Variants in CARS2 observed in about 807,000 individuals in gnomAD.
The protein encoded by CARS2 is cysteinyl-tRNA synthetase 2, mitochondrial.
Under a neutral mutation model 68.8 loss-of-function variants are expected in CARS2, and 52 were observed. That is an observed-to-expected ratio of 0.76 (90% CI 0.61 to 0.95). The LOEUF is 0.95. Ranked by LOEUF, CARS2 falls within the 40% of genes least tolerant of loss-of-function variation. CARS2 has a pLI of 0.00. For synonymous variants in CARS2, 314 were observed against 303.6 expected (o/e 1.03, Z -0.36); for missense variants, 780 against 754.2 (o/e 1.03, Z -0.40).
chr13:110,641,505 G>T lies in CARS2; in HGVS notation c.*32C>A. ...ACCCTGAGAAGCATGGGTGCGTCTT[G>T]TCGTGAGCAGGTTCATGGCTGTGCT... On this transcript the variant is annotated 3_prime_UTR_variant, in exon 15 of 15. Transcript: ENST00000257347. 6.4e-7 allele frequency: 1 copy of T among 1,564,268 alleles called. No homozygotes were observed. The highest frequency in any genetic ancestry group is 8.8e-7 in the Non-Finnish European group (1 of 1,134,434).
chr13:110,661,470 T>C (rs2062502263), intron 9 of CARS2, among the ~76,000 whole-genome samples: 1 of 152,238 alleles, frequency 6.6e-6, no homozygotes, highest in Non-Finnish European at 1.5e-5. Context: ...TTTGATCTTC[T>C]CTATCCAGAC....
At chr13:110,685,557 T>C (rs1455025267) in intron 5 of CARS2, among the ~76,000 whole-genome samples, 2 of 152,194 alleles carry the variant, frequency 1.3e-5, no homozygotes, top group African/African-American at 2.4e-5. Context: ...TAAGGCGTCA[T>C]TCAGTAAAGC....
upstream of CARS2, chr13:110,706,160 A>C: frequency 8.8e-7 from 1 of 1,142,552 alleles, no homozygotes. Flanking sequence ...CGGTCGCTCA[A>C]GAGCAGCACG....
At chr13:110,709,214 T>TCTC (rs1393229456), upstream of CARS2, among the ~76,000 whole-genome samples, 1 of 149,902 alleles carries the variant, frequency 6.7e-6, no homozygotes, top group African/African-American at 2.5e-5. Context: ...CTCCTGCTTG[T>TCTC]CTCCTGAGTA....
intron 9 of CARS2, among the ~76,000 whole-genome samples, chr13:110,654,936 G>A (rs202134895): frequency 3.2e-3 from 280 of 86,486 alleles, no homozygotes; most frequent in African/African-American, 8.9e-3. Flanking sequence ...AAAAAAAAAA[G>A]AAAAAGAAAA....
At chr13:110,644,776 A>G (rs899671632) in intron 12 of CARS2, 26 of 335,486 alleles carry the variant, frequency 7.7e-5, no homozygotes, top group African/African-American at 5.2e-4. Flanking sequence ...CAGGTGGCGC[A>G]TGGTAGGTGG....
intron 2 of CARS2, among the ~76,000 whole-genome samples, chr13:110,702,719 C>T (rs1004359542): frequency 5.3e-5 from 8 of 152,134 alleles, no homozygotes; most frequent in Admixed American, 1.3e-4. Context: ...GACCCTGAGA[C>T]GCTGCAGGCA....
intron 2 of CARS2, among the ~76,000 whole-genome samples, chr13:110,702,757 C>T (rs1374162714): frequency 2.6e-5 from 4 of 152,294 alleles, no homozygotes; most frequent in South Asian, 4.1e-4. Flanking sequence ...CCACTCTATA[C>T]ACAAACACGC....
At chr13:110,702,092 G>T (rs1407282848) in intron 2 of CARS2, among the ~76,000 whole-genome samples, 1 of 151,982 alleles carries the variant, frequency 6.6e-6, no homozygotes. Context: ...AAACTAAAAG[G>T]GTTTAAAATC....
chr13:110,708,091 TG>T (rs1224077437), upstream of CARS2, among the ~76,000 whole-genome samples: 7 of 152,234 alleles, frequency 4.6e-5, no homozygotes, highest in African/African-American at 1.2e-4. Flanking sequence ...TATCTTAAAT[TG>T]TACATTATTT....
At chr13:110,699,670 A>G (rs2063725402) in intron 3 of CARS2, among the ~76,000 whole-genome samples, 1 of 152,260 alleles carries the variant, frequency 6.6e-6, no homozygotes. Flanking sequence ...GATTAGAGGA[A>G]GCACCCGCAA....
intron 2 of CARS2, among the ~76,000 whole-genome samples, chr13:110,704,263 G>A (rs1418463251): frequency 6.6e-6 from 1 of 152,186 alleles, no homozygotes; most frequent in African/African-American, 2.4e-5. Context: ...TTCAGTAACA[G>A]AACTGTTTTC....
chr13:110,666,084 T>C (rs2062638238), intron 8 of CARS2: 1 of 985,020 alleles, frequency 1.0e-6, no homozygotes, highest in African/African-American at 1.8e-5. Flanking sequence ...AATTCAGAAG[T>C]CCTTGGGCCA....
chr13:110,679,137 G>A (rs947382251), intron 6 of CARS2, among the ~76,000 whole-genome samples: 11 of 142,774 alleles, frequency 7.7e-5, no homozygotes, highest in Non-Finnish European at 1.6e-4. Flanking sequence ...CTCAGTCTAT[G>A]GGAGAGGCCA....
At chr13:110,688,552 T>C (rs969543770) in intron 3 of CARS2, among the ~76,000 whole-genome samples, 2 of 152,132 alleles carry the variant, frequency 1.3e-5, no homozygotes. Flanking sequence ...GTCTGTATGA[T>C]AAGAAACTAG....
Position 110,676,997 on chromosome 13 carries a change from G to A in CARS2, c.762C>T (p.His254=), listed in dbSNP as rs369056410. The change falls in exon 7 of 15, where the codon CAC becomes CAT. Residue 254 remains histidine (H), a synonymous_variant. Transcript: ENST00000257347. This position sits in a 1 kb window ranked among gnomAD's most constrained non-coding sequence, Gnocchi z 4.0. ...SPWGPGRPGW[H]IECSAIASMV... Reference sequence around the variant, plus strand: ...ACCTAGCGATGGCAGAGCACTCGATGTGCCAGCCCGGCCTCCCGGGTCCCC... The same window carrying A: ...ACCTAGCGATGGCAGAGCACTCGATATGCCAGCCCGGCCTCCCGGGTCCCC... The A allele has an allele frequency of 1.9e-6, 3 of 1,595,718 alleles. No homozygotes were observed. The highest frequency in any genetic ancestry group is 2.7e-5 in the African/African-American group (2 of 74,444).
At chr13:110,706,822 C>A (rs1261625180), upstream of CARS2, among the ~76,000 whole-genome samples, 1 of 141,238 alleles carries the variant, frequency 7.1e-6, no homozygotes, top group Admixed American at 7.0e-5. Flanking sequence ...TGCACCCCAG[C>A]ACACACATCT....
At chr13:110,690,703 CAG>C (rs1486590669) in intron 3 of CARS2, among the ~76,000 whole-genome samples, 2 of 152,214 alleles carry the variant, frequency 1.3e-5, no homozygotes, top group African/African-American at 4.8e-5. Flanking sequence ...AGGCAGGAGA[CAG>C]AGGGCACAGG....
At position 110,685,221 on chromosome 13, in the gene CARS2, A is replaced by G. The variant is rs139372815; in HGVS notation, c.572-2087T>C. ...TTTTCCTGGGAGGCTGAGGCAGGAG[A>G]ATTGCTTGAACCCGGGAGGCGGAGG... On this transcript the variant is annotated intron_variant, in intron 5 of 14. Coordinates refer to ENST00000257347, the MANE Select transcript of CARS2 (RefSeq NM_024537.4). 2.3e-3 allele frequency among the ~76,000 whole-genome samples: 343 copies of G among 152,270 alleles called. 4 individuals are homozygous for G. The highest frequency in any genetic ancestry group is 8.1e-3 in the African/African-American group (336 of 41,556).
Sources: gnomAD v4.1 joint callset for allele counts (sites outside exome capture counted in the v4.1 genomes callset) on GRCh38, gnomAD v4.1.1 for gene constraint, Gnocchi (gnomAD v3.1) non-coding constraint, MANE v1.5 for transcripts, NCBI Gene and HGNC (gene_info 2026-07-23, HGNC 2026-07-21) for gene names.